NFATC3: variants seen among roughly 807,000 people sequenced by gnomAD.
NFATC3 encodes nuclear factor of activated T cells 3, also known as nuclear factor of activated T-cells, cytoplasmic 3.
A neutral mutation model predicts 98.6 loss-of-function variants in NFATC3; 46 were observed. That is an observed-to-expected ratio of 0.47 (90% CI 0.37 to 0.60). The LOEUF (loss-of-function observed/expected upper bound fraction) is 0.60, where lower values mean the gene tolerates loss of function less well. Ranked by LOEUF, NFATC3 falls within the 20% of genes least tolerant of loss-of-function variation. NFATC3 has a pLI of 0.00. For missense variants in NFATC3, 1,256 were observed against 1,295.5 expected (o/e 0.97, Z 0.47); for synonymous variants, 512 against 472.2 (o/e 1.08, Z -1.09).
intron 3 of NFATC3, among the ~76,000 whole-genome samples, chr16:68,140,532 A>G (rs1369888124): frequency 2.0e-5 from 3 of 152,240 alleles, no homozygotes; most frequent in Admixed American, 6.5e-5. Flanking sequence ...ACATGTGGAT[A>G]CTGACTATAT....
At chr16:68,226,209 T>C (rs1392633459) in intron 9 of NFATC3, 141 bp from the exon 10 acceptor site, 3 of 951,962 alleles carry the variant, frequency 3.2e-6, no homozygotes, top group South Asian at 2.0e-5. Context: ...GCCACTCAGC[T>C]CAGGAGCAGG....
intron 3 of NFATC3, among the ~76,000 whole-genome samples, chr16:68,145,493 G>A (rs1177295496): frequency 5.3e-5 from 8 of 152,032 alleles, no homozygotes; most frequent in Admixed American, 1.3e-4. Context: ...CCAAATACAC[G>A]AATAAACTCT....
At chr16:68,112,047 A>G (rs2035972077) in intron 1 of NFATC3, among the ~76,000 whole-genome samples, 1 of 151,742 alleles carries the variant, frequency 6.6e-6, no homozygotes, top group African/African-American at 2.4e-5. Flanking sequence ...TGCGCTTAAC[A>G]TTTTTTCCTT....
rs761403274 is a variant in NFATC3, at chr16:68,183,286, C to T, written c.2018C>T (p.Thr673Ile). The change falls in exon 8 of 10, where the codon ACA (threonine) becomes ATA (isoleucine). Residue 673 changes from threonine (T) to isoleucine (I), a missense_variant. Coordinates refer to ENST00000346183, the MANE Select transcript of NFATC3 (RefSeq NM_173165.3). ...EVPPYHNPAV[T>I]AAVQVHFYLC... is the part of the protein sequence containing the mutation. The stretch of plus-strand genomic sequence containing the variant: ...CCTCCATATCATAACCCAGCAGTTA[C>T]AGCTGCAGTGCAGGTGCACTTTTAT... The T allele has an allele frequency of 6.2e-7, 1 of 1,607,762 alleles. No homozygotes were observed. The highest frequency in any genetic ancestry group is 1.7e-5 in the Admixed American group (1 of 58,140).
chr16:68,205,053 C>A (rs1364692811), intron 9 of NFATC3, among the ~76,000 whole-genome samples: 1 of 150,012 alleles, frequency 6.7e-6, no homozygotes, highest in Non-Finnish European at 1.5e-5. Flanking sequence ...TCCATCTGGG[C>A]AAGAGACAAC....
intron 8 of NFATC3, among the ~76,000 whole-genome samples, chr16:68,184,141 T>A (rs2040068677): frequency 6.6e-6 from 1 of 152,142 alleles, no homozygotes; most frequent in South Asian, 2.1e-4. Flanking sequence ...CTGAAATTAG[T>A]GACTCTGAGG....
chr16:68,191,074 A>G lies in NFATC3; in HGVS notation c.2405A>G (p.Tyr802Cys), dbSNP rs748788117. ...VTPTPPVGSS[Y>C]QPMQTNVVYN... ...CCAACACCTCCTGTGGGGTCTTCCT[A>G]TCAGCCTATGCAAACTAATGTTGTG... The change falls in exon 9 of 10, where the codon TAT (tyrosine) becomes TGT (cysteine). Residue 802 changes from tyrosine to cysteine, a missense_variant. Tyr to Cys is a radical substitution (Grantham distance 194). This residue lies in a region of NFATC3 where 636 missense variants were observed against 617.3 expected (regional missense o/e 1.03). Transcript: ENST00000346183. 6.2e-7 allele frequency: 1 copy of G among 1,614,192 alleles called. No homozygotes were observed. Among genetic ancestry groups the G allele is most frequent in the South Asian group, 1.1e-5 (1 of 91,078 alleles).
intron 1 of NFATC3, among the ~76,000 whole-genome samples, chr16:68,113,523 A>C (rs1457294655): frequency 1.3e-5 from 2 of 152,240 alleles, no homozygotes; most frequent in Non-Finnish European, 2.9e-5. Flanking sequence ...CTCCTGTATC[A>C]GGTGCCTGGT....
At chr16:68,112,646 G>GTTTA (rs2036027801) in intron 1 of NFATC3, among the ~76,000 whole-genome samples, 1 of 97,644 alleles carries the variant, frequency 1.0e-5, no homozygotes, top group Admixed American at 1.3e-4. Context: ...TTTCTTTTTC[G>GTTTA]TTTTTTTTTT....
intron 1 of NFATC3, among the ~76,000 whole-genome samples, chr16:68,105,230 A>G (rs1244790169): frequency 1.3e-5 from 2 of 151,272 alleles, no homozygotes; most frequent in Non-Finnish European, 2.9e-5. Context: ...AGGTGGGATT[A>G]CAGGCGCCTG....
At chr16:68,179,695 C>T (rs1168357364) in intron 6 of NFATC3, among the ~76,000 whole-genome samples, 1 of 152,138 alleles carries the variant, frequency 6.6e-6, no homozygotes, top group East Asian at 1.9e-4. Flanking sequence ...GAGTAGTTCA[C>T]TTAGGATGAA....
chr16:68,144,851 T>A (rs982193998), intron 3 of NFATC3, among the ~76,000 whole-genome samples: 1 of 151,884 alleles, frequency 6.6e-6, no homozygotes, highest in African/African-American at 2.4e-5. Flanking sequence ...AGAAACAGAG[T>A]TTCAACATGT....
chr16:68,094,680 T>G (rs2034912790), intron 1 of NFATC3, among the ~76,000 whole-genome samples: 1 of 152,226 alleles, frequency 6.6e-6, no homozygotes, highest in Admixed American at 6.5e-5. Flanking sequence ...TCATACATGT[T>G]ACCTAGTAAA....
At chr16:68,086,817 C>T in intron 1 of NFATC3, 1 of 978,116 alleles carries the variant, frequency 1.0e-6, no homozygotes, top group South Asian at 4.7e-5. Context: ...TTTATCGGTC[C>T]TTTTAGTCTT....
intron 3 of NFATC3, among the ~76,000 whole-genome samples, chr16:68,132,177 ATGTG>A (rs1002092034): frequency 6.6e-6 from 1 of 152,212 alleles, no homozygotes; most frequent in African/African-American, 2.4e-5. Context: ...AACAAAATGT[ATGTG>A]TGTGTAGGAT....
chr16:68,173,333 G>A (rs951425788), intron 5 of NFATC3, among the ~76,000 whole-genome samples: 4 of 152,038 alleles, frequency 2.6e-5, no homozygotes, highest in Admixed American at 1.3e-4. Flanking sequence ...TTGGGAGGCT[G>A]AGGCGGGCAG....
intron 4 of NFATC3, among the ~76,000 whole-genome samples, chr16:68,162,648 A>G (rs796921415): frequency 3.3e-5 from 5 of 151,896 alleles, no homozygotes; most frequent in African/African-American, 1.2e-4. Flanking sequence ...GAATTGGGCA[A>G]CACTTCATTC....
intron 1 of NFATC3, among the ~76,000 whole-genome samples, chr16:68,112,372 G>A (rs1275008659): frequency 6.8e-6 from 1 of 147,170 alleles, no homozygotes; most frequent in Non-Finnish European, 1.5e-5. Context: ...CCACCTCCTG[G>A]GTTCAAGCGA....
chr16:68,100,533 C>T lies in NFATC3; in HGVS notation c.103+14749C>T, dbSNP rs775607740. On this transcript the variant is annotated intron_variant, in intron 1 of 9. Coordinates refer to ENST00000346183, the MANE Select transcript of NFATC3 (RefSeq NM_173165.3). Reference sequence around the variant, plus strand: ...AGGTTGCAGTGTGCCAAGATTGTGCCGCTGTACTCCAGCCTGAGCAACAGA... The same window carrying T: ...AGGTTGCAGTGTGCCAAGATTGTGCTGCTGTACTCCAGCCTGAGCAACAGA... Among the ~76,000 whole-genome samples, 10 of 151,702 alleles carry T rather than the reference C, an allele frequency of 6.6e-5. No individual in the cohort carries two copies. In the East Asian group the frequency reaches 9.6e-4, roughly 15 times the overall value.
Sources: gnomAD v4.1 joint callset for allele counts (sites outside exome capture counted in the v4.1 genomes callset) on GRCh38, gnomAD v4.1.1 for gene constraint, gnomAD v4.1.1 regional missense constraint, MANE v1.5 for transcripts, NCBI Gene and HGNC (gene_info 2026-07-23, HGNC 2026-07-21) for gene names.